The following PDE1A variants were observed in gnomAD, a reference collection of about 807,000 sequenced individuals.
PDE1A encodes the protein dual specificity calcium/calmodulin-dependent 3',5'-cyclic nucleotide phosphodiesterase 1A.
In PDE1A, 35 loss-of-function variants were observed where a neutral mutation model predicts 61.7. The observed-to-expected ratio is 0.57, with a 90% CI of 0.43 to 0.75. PDE1A has a LOEUF of 0.75. PDE1A is among the 30% of genes least tolerant of loss of function. PDE1A has a pLI of 0.00. For synonymous variants in PDE1A, 232 were observed against 213.2 expected (o/e 1.09, Z -0.77); for missense variants, 597 against 630.6 (o/e 0.95, Z 0.57).
chr2:182,668,326 A>G, the PDE1A span, among the ~76,000 whole-genome samples: 1 of 152,188 alleles, frequency 6.6e-6, no homozygotes, highest in African/African-American at 2.4e-5. Flanking sequence ...GACAAATGGT[A>G]GGAACCATGG....
At chr2:182,418,327 C>T (rs1046933972) in intron 1 of PDE1A, among the ~76,000 whole-genome samples, 6 of 152,114 alleles carry the variant, frequency 3.9e-5, no homozygotes, top group African/African-American at 1.4e-4. Flanking sequence ...TGTAATAGCT[C>T]ATGTTTTAGG....
the PDE1A span, among the ~76,000 whole-genome samples, chr2:182,638,134 T>C: frequency 6.6e-6 from 1 of 152,236 alleles, no homozygotes; most frequent in East Asian, 1.9e-4. Context: ...CTGTTCTTGA[T>C]AATTATCCTT....
chr2:182,582,973 G>A, the PDE1A span, among the ~76,000 whole-genome samples: 956 of 152,150 alleles, frequency 6.3e-3, 8 homozygotes, highest in African/African-American at 0.021. Context: ...TCCTTTTTGC[G>A]CTTGAACCAG....
At chr2:182,662,640 A>C in the PDE1A span, among the ~76,000 whole-genome samples, 27 of 152,188 alleles carry the variant, frequency 1.8e-4, no homozygotes, top group Non-Finnish European at 5.9e-5. Context: ...AGCTATATGC[A>C]GGAGATTGAA....
chr2:182,488,976 T>C (rs953276350), intron 2 of PDE1A, among the ~76,000 whole-genome samples: 1 of 152,184 alleles, frequency 6.6e-6, no homozygotes, highest in Non-Finnish European at 1.5e-5. Flanking sequence ...GCATGGGCAA[T>C]TAAGCAAATA....
chr2:182,329,208 C>T (rs1015816863), intron 1 of PDE1A, among the ~76,000 whole-genome samples: 1 of 152,060 alleles, frequency 6.6e-6, no homozygotes, highest in Non-Finnish European at 1.5e-5. Flanking sequence ...CCTCCTATTC[C>T]CTGTGCTCTC....
the PDE1A span, among the ~76,000 whole-genome samples, chr2:182,666,608 CA>C: frequency 0.53 from 74,761 of 139,868 alleles, 18,910 homozygotes; most frequent in South Asian, 0.64. Flanking sequence ...AACTCTGTCT[CA>C]AAAAAAAAAA....
chr2:182,531,904 T>C, the PDE1A span, among the ~76,000 whole-genome samples: 3 of 152,148 alleles, frequency 2.0e-5, no homozygotes, highest in East Asian at 1.9e-4. Context: ...CCTGTGTCCA[T>C]GTGTTGCATT....
chr2:182,376,619 G>A (rs749162148), intron 1 of PDE1A, among the ~76,000 whole-genome samples: 1 of 152,128 alleles, frequency 6.6e-6, no homozygotes, highest in Non-Finnish European at 1.5e-5. Flanking sequence ...ACCTCTGCCT[G>A]TTACCCAGTT....
intron 3 of PDE1A, among the ~76,000 whole-genome samples, chr2:182,239,762 A>C (rs1690352226): frequency 6.6e-6 from 1 of 152,228 alleles, no homozygotes; most frequent in Admixed American, 6.5e-5. Context: ...GTATTTCATG[A>C]AATGTTACAT....
chr2:182,573,670 G>T, the PDE1A span, among the ~76,000 whole-genome samples: 1 of 151,668 alleles, frequency 6.6e-6, no homozygotes, highest in South Asian at 2.1e-4. Context: ...AGTTATAATG[G>T]AATTGTAACT....
intron 1 of PDE1A, among the ~76,000 whole-genome samples, chr2:182,281,427 A>T (rs1693798674): frequency 1.3e-5 from 2 of 151,970 alleles, no homozygotes; most frequent in African/African-American, 4.8e-5. Context: ...ATGCAACTTT[A>T]AAATGCTGCC....
intron 2 of PDE1A, among the ~76,000 whole-genome samples, chr2:182,494,563 AT>A: frequency 9.0e-6 from 1 of 110,860 alleles, no homozygotes; most frequent in Admixed American, 1.0e-4. Flanking sequence ...CACTCTCTGG[AT>A]TTCTTTGTCT....
intron 2 of PDE1A, 152 bp downstream of exon 2, chr2:182,264,149 T>A: frequency 1.8e-6 from 1 of 542,630 alleles, no homozygotes; most frequent in South Asian, 2.9e-5. Flanking sequence ...ATTAGCTACA[T>A]GAAGAAGAAC....
intron 1 of PDE1A, among the ~76,000 whole-genome samples, chr2:182,385,659 GAAGAAAA>G (rs1449063505): frequency 3.2e-4 from 30 of 94,952 alleles, no homozygotes; most frequent in South Asian, 3.9e-4. Flanking sequence ...AAGAAAGAAA[GAAGAAAA>G]AAAGAAAGAA....
intron 2 of PDE1A, among the ~76,000 whole-genome samples, chr2:182,456,064 T>C (rs1266877471): frequency 6.6e-6 from 1 of 152,114 alleles, no homozygotes; most frequent in African/African-American, 2.4e-5. Flanking sequence ...CTAATTCATA[T>C]CTTTGAAACC....
chr2:182,324,690 G>A (rs1051483034), intron 1 of PDE1A, among the ~76,000 whole-genome samples: 11 of 152,102 alleles, frequency 7.2e-5, no homozygotes, highest in Admixed American at 3.3e-4. Context: ...CTCATCCCAC[G>A]TCTGTACTCC....
At chr2:182,503,074 T>TAC (rs1689191029) in intron 2 of PDE1A, among the ~76,000 whole-genome samples, 1 of 8,296 alleles carries the variant, frequency 1.2e-4, no homozygotes, top group African/African-American at 2.5e-4. Context: ...CACACACACA[T>TAC]ACACACACAC....
the PDE1A span, among the ~76,000 whole-genome samples, chr2:182,645,474 T>A: frequency 6.6e-6 from 1 of 152,232 alleles, no homozygotes; most frequent in Admixed American, 6.5e-5. Flanking sequence ...GGTTGGCATT[T>A]CTTATTCAAA....
Sources: gnomAD v4.1 joint callset for allele counts (sites outside exome capture counted in the v4.1 genomes callset) on GRCh38, gnomAD v4.1.1 for gene constraint, MANE v1.5 for transcripts, NCBI Gene and HGNC (gene_info 2026-07-23, HGNC 2026-07-21) for gene names.